The following DPEP1 variants were observed in gnomAD, a reference collection of about 807,000 sequenced individuals.
DPEP1 encodes the protein beta-lactamase.
DPEP1 carries 50 observed loss-of-function variants against 42.3 expected under a neutral mutation model. The observed-to-expected ratio is 1.18, with a 90% CI of 0.94 to 1.50. The LOEUF is 1.50. Among genes scored for constraint, DPEP1 ranks in the 40% most tolerant of loss-of-function variants. The pLI, the probability that DPEP1 is intolerant of heterozygous loss-of-function variation, is 0.00. For synonymous variants in DPEP1, 297 were observed against 234.0 expected, an observed-to-expected ratio of 1.27 and a Z score of -2.46; for missense variants, 663 against 553.0, an observed-to-expected ratio of 1.20 and a Z score of -1.99.
intron 1 of DPEP1, among the ~76,000 whole-genome samples, chr16:89,616,415 C>T (rs1420953006): frequency 3.3e-5 from 5 of 152,018 alleles, no homozygotes; most frequent in Non-Finnish European, 5.9e-5. Context: ...GGGGAGACAG[C>T]GGGTGTGCTC....
At chr16:89,618,868 C>T (rs2059408324) in intron 1 of DPEP1, among the ~76,000 whole-genome samples, 1 of 151,898 alleles carries the variant, frequency 6.6e-6, no homozygotes, top group African/African-American at 2.4e-5. Context: ...TTTACGTACG[C>T]ACATCCCACC....
Position 89,637,350 on chromosome 16 carries a change from C to T in DPEP1, c.738C>T (p.Arg246=). The stretch of plus-strand genomic sequence containing the variant: ...CCTACAGCGTGTGCGCAAGCCGGCG[C>T]AACGTGCCTGACGACGTCCTGAGGC... ...SSAYSVCASR[R]NVPDDVLRLV... Residue 246 remains arginine, a synonymous_variant, in exon 7 of 11, where the codon CGC becomes CGT. Coordinates refer to ENST00000690203, the MANE Select transcript of DPEP1 (RefSeq NM_001389466.1). 6.2e-7 allele frequency: 1 copy of T among 1,612,396 alleles called. No individual in the cohort carries two copies.
At chr16:89,637,069 A>G in intron 6 of DPEP1, 134 bp downstream of exon 6, 11 of 1,525,710 alleles carry the variant, frequency 7.2e-6, no homozygotes, top group East Asian at 4.6e-5. Context: ...CCATCCCCCC[A>G]GGGTGGGTGC....
rs570795843 is a variant in DPEP1, at chr16:89,631,127, A to C, written c.104+613A>C. On this transcript the variant is annotated intron_variant, in intron 2 of 10. Transcript: ENST00000690203. ...CGGGTGGCACCCTACAGGCCCTCTC[A>C]GCCGGCATCTTTTTGGCTCTCTTCC... Among the ~76,000 whole-genome samples the C allele has an allele frequency of 3.9e-4, 59 of 152,012 alleles. No homozygotes were observed. In the East Asian group the frequency reaches 0.011, roughly 28 times the overall value.
intron 1 of DPEP1, among the ~76,000 whole-genome samples, chr16:89,626,037 G>A (rs527417423): frequency 6.6e-6 from 1 of 152,192 alleles, no homozygotes; most frequent in South Asian, 2.1e-4. Context: ...GCCCCGGTCT[G>A]GTGCTCGGAA....
At chr16:89,630,782 G>A (rs1016221000) in intron 2 of DPEP1, among the ~76,000 whole-genome samples, 1 of 148,304 alleles carries the variant, frequency 6.7e-6, no homozygotes, top group East Asian at 2.0e-4. Context: ...GGCTGGGGGA[G>A]CTGGGGGTGA....
intron 1 of DPEP1, among the ~76,000 whole-genome samples, chr16:89,621,837 G>A (rs1039679398): frequency 1.3e-5 from 2 of 152,206 alleles, no homozygotes; most frequent in African/African-American, 2.4e-5. Context: ...CTTGCGATGC[G>A]CCCAGGTGTT....
intron 1 of DPEP1, among the ~76,000 whole-genome samples, chr16:89,623,592 C>T (rs183917931): frequency 8.5e-5 from 13 of 152,174 alleles, no homozygotes; most frequent in East Asian, 5.8e-4. Flanking sequence ...GCTTCCCTGA[C>T]GGGAGCGGGG....
chr16:89,622,373 C>G (rs1178424921), intron 1 of DPEP1, among the ~76,000 whole-genome samples: 3 of 152,162 alleles, frequency 2.0e-5, no homozygotes, highest in African/African-American at 4.8e-5. Context: ...TAAACACACC[C>G]TGAACCTTTC....
At chr16:89,617,463 C>A (rs1047217386) in intron 1 of DPEP1, among the ~76,000 whole-genome samples, 2 of 152,210 alleles carry the variant, frequency 1.3e-5, no homozygotes, top group Non-Finnish European at 2.9e-5. Flanking sequence ...TGGAAGCATC[C>A]ACGCCAGGAG....
intron 1 of DPEP1, among the ~76,000 whole-genome samples, chr16:89,614,038 G>A (rs1321739995): frequency 1.3e-5 from 2 of 150,750 alleles, no homozygotes; most frequent in Non-Finnish European, 3.0e-5. Flanking sequence ...TAGGAAACTG[G>A]GGCCAGGTGT....
chr16:89,623,604 G>A (rs780392379), intron 1 of DPEP1, among the ~76,000 whole-genome samples: 19 of 152,048 alleles, frequency 1.2e-4, no homozygotes, highest in Non-Finnish European at 2.6e-4. Flanking sequence ...GGAGCGGGGC[G>A]GAAAAGAACA....
At chr16:89,641,138 T>G (rs541364426), downstream of DPEP1, among the ~76,000 whole-genome samples, 3 of 152,322 alleles carry the variant, frequency 2.0e-5, no homozygotes, top group South Asian at 6.2e-4. Context: ...CCAGGCGTAC[T>G]GGGTGGAACA....
intron 1 of DPEP1, among the ~76,000 whole-genome samples, chr16:89,622,508 G>A (rs527895761): frequency 3.4e-4 from 52 of 152,302 alleles, no homozygotes; most frequent in South Asian, 1.7e-3. Flanking sequence ...CACTCGGGCC[G>A]GGCGCAGTGG....
intron 1 of DPEP1, among the ~76,000 whole-genome samples, chr16:89,622,371 C>T (rs1301853443): frequency 2.0e-5 from 3 of 152,142 alleles, no homozygotes; most frequent in Non-Finnish European, 4.4e-5. Flanking sequence ...ATTAAACACA[C>T]CCTGAACCTT....
intron 1 of DPEP1, among the ~76,000 whole-genome samples, chr16:89,614,710 G>T (rs62068708): frequency 0.2 from 30,856 of 152,156 alleles, 3,252 homozygotes; most frequent in Admixed American, 0.24. Context: ...CAGGAGAATG[G>T]CGTGAACCCG....
intron 4 of DPEP1, 48 bp from the exon 5 acceptor site, chr16:89,636,485 C>G: frequency 3.1e-6 from 5 of 1,600,558 alleles, no homozygotes; most frequent in Non-Finnish European, 4.3e-6. Context: ...ACACCTCACC[C>G]TCCAGATACC....
At chr16:89,616,161 G>T (rs888351840) in intron 1 of DPEP1, among the ~76,000 whole-genome samples, 29 of 152,134 alleles carry the variant, frequency 1.9e-4, no homozygotes, top group African/African-American at 6.8e-4. Context: ...GGGCTTCGGG[G>T]GCTGGGCTGG....
Position 89,637,389 on chromosome 16 carries a change from C to T in DPEP1, c.768+9C>T, listed in dbSNP as rs34422500. The T allele has an allele frequency of 0.12, 187,485 of 1,612,102 alleles. 11,886 individuals are homozygous for T. The highest frequency in any genetic ancestry group is 0.14 in the South Asian group (13,033 of 91,056). The stretch of plus-strand genomic sequence containing the variant: ...ACGTCCTGAGGCTGGTGGTGAGGGC[C>T]GAGGGGGCGACCTCCACCCCGCCTC... On this transcript the variant is annotated intron_variant, in intron 7 of 10. Coordinates refer to ENST00000690203, the MANE Select transcript of DPEP1 (RefSeq NM_001389466.1).
Sources: allele counts gnomAD v4.1 joint callset (sites outside exome capture counted in the v4.1 genomes callset), GRCh38; gene constraint gnomAD v4.1.1; transcripts MANE v1.5; gene names NCBI Gene and HGNC (gene_info 2026-07-23, HGNC 2026-07-21).